VSNL1: variants seen among roughly 807,000 people sequenced by gnomAD.
The protein encoded by VSNL1 is visinin-like protein 1.
In VSNL1, 6 loss-of-function variants were observed where a neutral mutation model predicts 20.4. That is an observed-to-expected ratio of 0.29 (90% CI 0.16 to 0.58). The LOEUF is 0.58. Among genes scored for constraint, VSNL1 ranks in the 20% least tolerant of loss-of-function variants. The pLI, the probability that VSNL1 is intolerant of heterozygous loss-of-function variation, is 0.90. For missense variants in VSNL1, 100 were observed against 234.5 expected, an observed-to-expected ratio of 0.43 and a Z score of 3.75; for synonymous variants, 93 against 86.4, an observed-to-expected ratio of 1.08 and a Z score of -0.42.
rs1479520453 is a variant in VSNL1 at position 17,634,685 on chromosome 2, GGTATTTTT to G, written c.163-14720_163-14713del. On this transcript the variant is annotated intron_variant, in intron 2 of 3. Transcript: ENST00000295156. The surrounding 1 kb of genome is among the most constrained non-coding windows in gnomAD (Gnocchi z 4.3). ...TCGTAGTAGGGTGAGGAGGAAAACA[GGTATTTTT>G]GTATGTTCGTTTTTTGTTTTGCTGA... 6.6e-6 allele frequency among the ~76,000 whole-genome samples: 1 copy of G among 152,178 alleles called. No individual in the cohort carries two copies. The highest frequency in any genetic ancestry group is 1.5e-5 in the Non-Finnish European group (1 of 68,036).
In VSNL1 at chr2:17,649,262, T is replaced by C; in HGVS notation, c.163-148T>C. On this transcript the variant is annotated intron_variant, in intron 2 of 3. Coordinates refer to ENST00000295156, the MANE Select transcript of VSNL1 (RefSeq NM_003385.5). The surrounding 1 kb of genome is among the most constrained non-coding windows in gnomAD (Gnocchi z 6.4). ...GAAAGCCTCCCCTAATGCCTGCCCT[T>C]GCCCTTGACAGTCAGGCCAAACTGC... The C allele has an allele frequency of 5.6e-6, 4 of 716,338 alleles. No individual in the cohort carries two copies. The highest frequency in any genetic ancestry group is 9.6e-6 in the Non-Finnish European group (4 of 415,980). 44.4% of individuals were successfully genotyped at this position (716,338 alleles called of 1,614,324 possible). A position where few individuals can be genotyped will look rare whatever the true frequency, so the allele number is the denominator to read the frequency against.
chr2:17,554,255 G>A (rs1663620837), intron 1 of VSNL1, among the ~76,000 whole-genome samples: 2 of 152,088 alleles, frequency 1.3e-5, no homozygotes, highest in South Asian at 4.1e-4. Flanking sequence ...TCTGTAAATG[G>A]AAACTCAATG....
At chr2:17,540,677 G>A (rs972747096), upstream of VSNL1, 8 of 152,658 alleles carry the variant, frequency 5.2e-5, no homozygotes, top group African/African-American at 1.9e-4. Flanking sequence ...AGGGACCCTA[G>A]GTTTTCTATG....
rs180938990 is a variant in VSNL1, at chr2:17,631,027, G to A, written c.163-18383G>A. Among the ~76,000 whole-genome samples, 4 of 152,248 alleles carry A rather than the reference G, an allele frequency of 2.6e-5. No homozygotes were observed. The East Asian group carries it at 7.7e-4, about 29-fold the overall frequency. On this transcript the variant is annotated intron_variant, in intron 2 of 3. Coordinates refer to ENST00000295156, the MANE Select transcript of VSNL1 (RefSeq NM_003385.5). ...GAACTCTTGACCTCGTGATCTGCCC[G>A]ACTTGGCCTCCCAAAGTGCTGGGAT...
chr2:17,627,496 G>C (rs1007475731), intron 2 of VSNL1, among the ~76,000 whole-genome samples: 2 of 152,188 alleles, frequency 1.3e-5, no homozygotes, highest in African/African-American at 4.8e-5. Context: ...CAGTCTCTCT[G>C]AAAACCTGGG....
At chr2:17,638,589 C>T (rs1027686610) in intron 2 of VSNL1, among the ~76,000 whole-genome samples, 8 of 152,204 alleles carry the variant, frequency 5.3e-5, no homozygotes, top group Non-Finnish European at 1.2e-4. Flanking sequence ...CCACGCCCTA[C>T]AGGACACGAT....
At chr2:17,623,619 A>G (rs1665435942) in intron 2 of VSNL1, among the ~76,000 whole-genome samples, 1 of 147,062 alleles carries the variant, frequency 6.8e-6, no homozygotes, top group Non-Finnish European at 1.5e-5. Flanking sequence ...GCAGTGAGCC[A>G]AGATCATGCC....
chr2:17,608,995 C>T (rs1665018426), intron 2 of VSNL1, among the ~76,000 whole-genome samples: 1 of 152,148 alleles, frequency 6.6e-6, no homozygotes, highest in Non-Finnish European at 1.5e-5. Context: ...TACATACATA[C>T]ACACATGCAC....
intron 2 of VSNL1, among the ~76,000 whole-genome samples, chr2:17,592,626 TTCTC>T (rs1483104300): frequency 8.6e-6 from 1 of 116,760 alleles, no homozygotes; most frequent in African/African-American, 3.3e-5. Flanking sequence ...AGAGGGCTTT[TTCTC>T]TCTCTCTCTC....
At chr2:17,610,135 G>C (rs970056429) in intron 2 of VSNL1, among the ~76,000 whole-genome samples, 2 of 152,226 alleles carry the variant, frequency 1.3e-5, no homozygotes, top group Non-Finnish European at 2.9e-5. Context: ...AAACACAGGG[G>C]CTTGGGCCTG....
At chr2:17,594,569 T>A (rs1463650459) in intron 2 of VSNL1, among the ~76,000 whole-genome samples, 2 of 152,218 alleles carry the variant, frequency 1.3e-5, no homozygotes, top group Admixed American at 1.3e-4. Flanking sequence ...ACGGTCATTA[T>A]CCTGGTGAAT....
In VSNL1 at chr2:17,634,626, C is replaced by T. The variant is rs942808087; in HGVS notation, c.163-14784C>T. ...GTCCCCTGACACCCTCATCTCTCCT[C>T]TGAGATCAGCAAAGTAAGAATGAGC... On this transcript the variant is annotated intron_variant, in intron 2 of 3. Transcript: ENST00000295156. The surrounding 1 kb of genome is among the most constrained non-coding windows in gnomAD (Gnocchi z 4.3). 6.6e-6 allele frequency among the ~76,000 whole-genome samples: 1 copy of T among 152,228 alleles called. No individual in the cohort carries two copies. The highest frequency in any genetic ancestry group is 2.4e-5 in the African/African-American group (1 of 41,450).
At chr2:17,636,930 G>A (rs981108245) in intron 2 of VSNL1, among the ~76,000 whole-genome samples, 4 of 152,198 alleles carry the variant, frequency 2.6e-5, no homozygotes, top group African/African-American at 9.6e-5. Flanking sequence ...CCTGGAACAA[G>A]TACCCTTAAG....
intron 1 of VSNL1, among the ~76,000 whole-genome samples, chr2:17,551,464 G>T (rs1405884402): frequency 6.6e-6 from 1 of 152,230 alleles, no homozygotes; most frequent in Non-Finnish European, 1.5e-5. Context: ...TTGGAATGGG[G>T]AAGGGAGGCA....
chr2:17,589,087 C>T (rs1448063605), intron 1 of VSNL1, among the ~76,000 whole-genome samples: 1 of 151,892 alleles, frequency 6.6e-6, no homozygotes, highest in Non-Finnish European at 1.5e-5. Flanking sequence ...GGAGAGTCCA[C>T]GAAGGTTTCA....
chr2:17,560,125 C>T (rs919513439), intron 1 of VSNL1, among the ~76,000 whole-genome samples: 3 of 151,014 alleles, frequency 2.0e-5, no homozygotes, highest in African/African-American at 7.3e-5. Flanking sequence ...AGACAAAGTG[C>T]TTATATGTAA....
At chr2:17,585,826 G>A (rs13390927) in intron 1 of VSNL1, among the ~76,000 whole-genome samples, 3,794 of 149,118 alleles carry the variant, frequency 0.025, 173 homozygotes, top group African/African-American at 0.089. Context: ...TTTTTTTGAG[G>A]CAGAGTTTCA....
chr2:17,645,994 T>A (rs1181805353), intron 2 of VSNL1, among the ~76,000 whole-genome samples: 1 of 152,226 alleles, frequency 6.6e-6, no homozygotes, highest in Non-Finnish European at 1.5e-5. Flanking sequence ...ACTGACAATA[T>A]CATGTCCATT....
intron 1 of VSNL1, among the ~76,000 whole-genome samples, chr2:17,546,662 TAA>T (rs756520018): frequency 6.6e-6 from 1 of 152,014 alleles, no homozygotes; most frequent in Non-Finnish European, 1.5e-5. Context: ...AAATTTTGAG[TAA>T]AATGTCCCGT....
Sources: allele counts gnomAD v4.1 joint callset (sites outside exome capture counted in the v4.1 genomes callset), GRCh38; gene constraint gnomAD v4.1.1; non-coding constraint Gnocchi (gnomAD v3.1); transcripts MANE v1.5; gene names NCBI Gene and HGNC (gene_info 2026-07-23, HGNC 2026-07-21).